The following GLTP variants were observed in gnomAD, a reference collection of about 807,000 sequenced individuals.
GLTP encodes the protein glycolipid transfer protein.
A neutral mutation model predicts 24.0 loss-of-function variants in GLTP; 22 were observed. The observed-to-expected ratio is 0.92, with a 90% CI of 0.65 to 1.31. The LOEUF (loss-of-function observed/expected upper bound fraction) is 1.31. GLTP is among the 50% of genes most tolerant of loss of function. The probability of loss-of-function intolerance (pLI) is 0.00; values close to 1 mark genes in which losing one functional copy is unlikely to be tolerated. For synonymous variants in GLTP, 92 were observed against 115.9 expected (o/e 0.79, Z 1.33); for missense variants, 224 against 276.6 (o/e 0.81, Z 1.35).
rs1592889295 is a variant in GLTP, at chr12:109,858,676, T to G, written c.162+7A>C. 6.2e-7 allele frequency: 1 copy of G among 1,609,944 alleles called. No individual in the cohort carries two copies. The highest frequency in any genetic ancestry group is 8.5e-7 in the Non-Finnish European group (1 of 1,176,206). Reference sequence around the variant, plus strand: ...CTTGGGCTGTGGCTGCCCGGCCAGGTACATACCGTGATGTTGCCGCTTATG... The same window carrying G: ...CTTGGGCTGTGGCTGCCCGGCCAGGGACATACCGTGATGTTGCCGCTTATG... On this transcript the variant is annotated splice_region_variant and intron_variant, in intron 2 of 4. Coordinates refer to ENST00000318348, the MANE Select transcript of GLTP (RefSeq NM_016433.4).
At chr12:109,872,385 G>A (rs982791228) in intron 1 of GLTP, among the ~76,000 whole-genome samples, 1 of 152,174 alleles carries the variant, frequency 6.6e-6, no homozygotes, top group African/African-American at 2.4e-5. Flanking sequence ...TGGCTCAGAT[G>A]GATGCCAGTC....
Position 109,855,809 on chromosome 12 carries a change from C to T in GLTP, c.297-40G>A, listed in dbSNP as rs566965751. ...GGAGAAGGTTCGTTAGGACCCTGCA[C>T]AGCCCTGTCGTGAAAGACCCTGATG... On this transcript the variant is annotated intron_variant, in intron 3 of 4. Transcript: ENST00000318348. This position sits in a 1 kb window ranked among gnomAD's most constrained non-coding sequence, Gnocchi z 4.1. 9.3e-6 allele frequency: 14 copies of T among 1,510,110 alleles called. No individual in the cohort carries two copies. In the African/African-American group the frequency reaches 1.4e-4, roughly 15 times the overall value. 93.5% of individuals were successfully genotyped at this position (1,510,110 alleles called of 1,614,324 possible). A position where few individuals can be genotyped will look rare whatever the true frequency, so the allele number is the denominator to read the frequency against.
rs1309135731 is a variant in GLTP, at chr12:109,855,364, G to T, written c.447+255C>A. Among the ~76,000 whole-genome samples, 2 of 152,230 alleles carry T rather than the reference G, an allele frequency of 1.3e-5. No homozygotes were observed. Among genetic ancestry groups the T allele is most frequent in the African/African-American group, 4.8e-5 (2 of 41,462 alleles). On this transcript the variant is annotated intron_variant, in intron 4 of 4. Transcript: ENST00000318348. The surrounding 1 kb of genome is among the most constrained non-coding windows in gnomAD (Gnocchi z 4.1). The stretch of plus-strand genomic sequence containing the variant: ...CGTCGCCCCACCATCAGGCCTTGCA[G>T]GCCAAGGCCCCTAAAGAGAAACACC...
At chr12:109,868,632 C>T (rs569568962) in intron 1 of GLTP, among the ~76,000 whole-genome samples, 7 of 152,354 alleles carry the variant, frequency 4.6e-5, no homozygotes, top group African/African-American at 1.7e-4. Flanking sequence ...CATAAACAGT[C>T]ATTTCCAGAA....
At position 109,851,406 on chromosome 12, in the gene GLTP, A is replaced by G. The variant is rs536255554; in HGVS notation, c.*1149T>C. 8.3e-4 allele frequency: 126 copies of G among 152,314 alleles called. No homozygotes were observed. Among genetic ancestry groups the G allele is most frequent in the African/African-American group, 3.0e-3 (125 of 41,564 alleles). 9.4% of individuals were successfully genotyped at this position (152,314 alleles called of 1,614,324 possible). ...CAGAAAAAAGAAAACAAACAAAAAA[A>G]TCTGTCTAGCGAGACAGAAAGAGCA... On this transcript the variant is annotated 3_prime_UTR_variant, in exon 5 of 5. Transcript: ENST00000318348.
Position 109,855,836 on chromosome 12 carries a change from A to T in GLTP, c.297-67T>A. ...GCCCTGTCGTGAAAGACCCTGATGG[A>T]CTCTGAATTTGCCACCTACTGTGAG... On this transcript the variant is annotated intron_variant, in intron 3 of 4. Transcript: ENST00000318348. The surrounding 1 kb of genome is among the most constrained non-coding windows in gnomAD (Gnocchi z 4.1). 1 of 1,357,764 alleles carries T rather than the reference A, an allele frequency of 7.4e-7. No individual in the cohort carries two copies. The highest frequency in any genetic ancestry group is 9.8e-7 in the Non-Finnish European group (1 of 1,020,426). The allele number at this position is 1,357,764 out of a possible 1,614,324, so 84.1% of individuals were successfully genotyped here. A position where few individuals can be genotyped will look rare whatever the true frequency, so the allele number is the denominator to read the frequency against.
At chr12:109,867,229 A>C (rs1592892119) in intron 1 of GLTP, among the ~76,000 whole-genome samples, 1 of 151,158 alleles carries the variant, frequency 6.6e-6, no homozygotes, top group Non-Finnish European at 1.5e-5. Context: ...GCTCACTGCA[A>C]CCTCCGCCTC....
intron 1 of GLTP, among the ~76,000 whole-genome samples, chr12:109,862,943 TG>T (rs1868411490): frequency 1.3e-5 from 2 of 151,822 alleles, no homozygotes; most frequent in South Asian, 4.2e-4. Flanking sequence ...TCCCAGCTAC[TG>T]GGGAGGCTGA....
intron 1 of GLTP, among the ~76,000 whole-genome samples, chr12:109,879,188 C>T (rs1868981919): frequency 6.6e-6 from 1 of 152,170 alleles, no homozygotes; most frequent in African/African-American, 2.4e-5. Context: ...CTAAGTCGGA[C>T]TGTCTTAAGA....
chr12:109,855,685 G>A lies in GLTP; in HGVS notation c.381C>T (p.Asn127=), dbSNP rs76870414. 2.3e-3 allele frequency: 3,693 copies of A among 1,608,010 alleles called. 29 individuals are homozygous for A. Among genetic ancestry groups the A allele is most frequent in the Middle Eastern group, 9.4e-3 (57 of 6,040 alleles). The change falls in exon 4 of 5, where the codon AAC becomes AAT. Residue 127 remains asparagine (N), a synonymous_variant. Transcript: ENST00000318348. This position sits in a 1 kb window ranked among gnomAD's most constrained non-coding sequence, Gnocchi z 4.1. ...DENHPNLIRV[N]ATKAYEMALK... is the part of the protein sequence containing the mutation. ...GGGCCATCTCGTAGGCCTTGGTGGC[G>A]TTGACACGGATGAGGTTGGGGTGGT...
rs1484726912 is a variant in GLTP, at chr12:109,855,977, C to T, written c.297-208G>A. ...CTATCTCCCGAGCACCTTCTCTCCT[C>T]CAGGCCTGGTGCTGGCCCATGACAA... On this transcript the variant is annotated intron_variant, in intron 3 of 4. Coordinates refer to ENST00000318348, the MANE Select transcript of GLTP (RefSeq NM_016433.4). This position sits in a 1 kb window ranked among gnomAD's most constrained non-coding sequence, Gnocchi z 4.1. 6.6e-6 allele frequency among the ~76,000 whole-genome samples: 1 copy of T among 152,142 alleles called. No homozygotes were observed.
Position 109,876,275 on chromosome 12 carries a change from G to A in GLTP, c.103+3997C>T, listed in dbSNP as rs542205008. 5.5e-4 allele frequency among the ~76,000 whole-genome samples: 84 copies of A among 152,140 alleles called. 1 individual carries two copies. Among genetic ancestry groups the A allele is most frequent in the African/African-American group, 2.0e-3 (84 of 41,518 alleles). On this transcript the variant is annotated intron_variant, in intron 1 of 4. Transcript: ENST00000318348. ...TGAGGATCACTTGAACCCAGGAGGT[G>A]GAGGTTGCTATGAGCCGAGATCATG... is the stretch of plus-strand genomic sequence containing the variant.
At chr12:109,870,999 C>T (rs1300852607) in intron 1 of GLTP, among the ~76,000 whole-genome samples, 2 of 150,990 alleles carry the variant, frequency 1.3e-5, no homozygotes, top group African/African-American at 4.9e-5. Context: ...ACTGTAAGTA[C>T]GTAATAAAAG....
At chr12:109,878,733 A>C (rs1004539621) in intron 1 of GLTP, among the ~76,000 whole-genome samples, 5 of 152,164 alleles carry the variant, frequency 3.3e-5, no homozygotes, top group African/African-American at 1.2e-4. Context: ...ATAATAAGAA[A>C]GTTTTGTGCA....
At chr12:109,872,329 C>T (rs1269394300) in intron 1 of GLTP, among the ~76,000 whole-genome samples, 2 of 151,760 alleles carry the variant, frequency 1.3e-5, no homozygotes, top group Non-Finnish European at 2.9e-5. Flanking sequence ...TGTTGGGAAA[C>T]GGAGCTGCCA....
chr12:109,866,500 T>C (rs1384797842), intron 1 of GLTP: 1 of 152,160 alleles, frequency 6.6e-6, no homozygotes, highest in African/African-American at 2.4e-5. Context: ...TGTGCACCAC[T>C]GTGCCTGGCT....
At chr12:109,860,571 G>A (rs1233531132) in intron 1 of GLTP, among the ~76,000 whole-genome samples, 1 of 146,186 alleles carries the variant, frequency 6.8e-6, no homozygotes, top group Non-Finnish European at 1.5e-5. Context: ...TTCAACTCCT[G>A]GACTCAAGCG....
At chr12:109,853,655 T>G (rs1320930291) in intron 4 of GLTP, among the ~76,000 whole-genome samples, 1 of 148,520 alleles carries the variant, frequency 6.7e-6, no homozygotes. Context: ...GCCACTGCAC[T>G]GCAGCCTGGG....
chr12:109,870,222 T>C (rs1240562357), intron 1 of GLTP, among the ~76,000 whole-genome samples: 1 of 152,074 alleles, frequency 6.6e-6, no homozygotes, highest in Non-Finnish European at 1.5e-5. Flanking sequence ...TCCCAGCACT[T>C]TGGGAGGCTG....
Sources: allele counts gnomAD v4.1 joint callset (sites outside exome capture counted in the v4.1 genomes callset), GRCh38; gene constraint gnomAD v4.1.1; non-coding constraint Gnocchi (gnomAD v3.1); transcripts MANE v1.5; gene names NCBI Gene and HGNC (gene_info 2026-07-23, HGNC 2026-07-21).